The following RAI14 variants were observed in gnomAD, a reference collection of about 807,000 sequenced individuals.
The protein encoded by RAI14 is retinoic acid induced 14, also known as ankycorbin.
Under a neutral mutation model 115.4 loss-of-function variants are expected in RAI14, and 45 were observed. The ratio of observed to expected loss-of-function variants is 0.39; its 90% CI spans 0.31 to 0.50. The LOEUF (loss-of-function observed/expected upper bound fraction) is 0.50, where lower values mean the gene tolerates loss of function less well. Among genes scored for constraint, RAI14 ranks in the 20% least tolerant of loss-of-function variants. The pLI, the probability that RAI14 is intolerant of heterozygous loss-of-function variation, is 0.85. For synonymous variants in RAI14, 371 were observed against 415.4 expected, an observed-to-expected ratio of 0.89 and a Z score of 1.30; for missense variants, 939 against 1,131.2, an observed-to-expected ratio of 0.83 and a Z score of 2.44.
intron 3 of RAI14, among the ~76,000 whole-genome samples, chr5:34,761,781 A>T (rs968999391): frequency 2.0e-5 from 3 of 152,092 alleles, no homozygotes; most frequent in African/African-American, 7.2e-5. Flanking sequence ...TTTAGAACCC[A>T]TTATATTCGA....
intron 1 of RAI14, among the ~76,000 whole-genome samples, chr5:34,666,725 C>T (rs994614115): frequency 5.3e-5 from 8 of 152,190 alleles, no homozygotes; most frequent in African/African-American, 1.9e-4. Flanking sequence ...GACAGAAGCT[C>T]TTCAGATGGG....
At chr5:34,776,260 G>A (rs942768141) in intron 3 of RAI14, among the ~76,000 whole-genome samples, 1 of 152,148 alleles carries the variant, frequency 6.6e-6, no homozygotes, top group Non-Finnish European at 1.5e-5. Flanking sequence ...ACCACAGGAT[G>A]GGAAGGGTAG....
chr5:34,689,772 T>C (rs1738338719), intron 2 of RAI14, among the ~76,000 whole-genome samples: 1 of 152,102 alleles, frequency 6.6e-6, no homozygotes, highest in Non-Finnish European at 1.5e-5. Flanking sequence ...CTTGGGAGGC[T>C]GAGGCAGGAG....
At chr5:34,726,618 T>C (rs951878554) in intron 2 of RAI14, among the ~76,000 whole-genome samples, 2 of 152,160 alleles carry the variant, frequency 1.3e-5, no homozygotes, top group Non-Finnish European at 2.9e-5. Flanking sequence ...ATTGTAATAA[T>C]CCCCATGTGC....
intron 14 of RAI14, among the ~76,000 whole-genome samples, chr5:34,822,532 C>T (rs1371324677): frequency 6.6e-6 from 1 of 151,652 alleles, no homozygotes; most frequent in Non-Finnish European, 1.5e-5. Context: ...TAGTCCCACT[C>T]ATGTCCCAGA....
chr5:34,794,989 A>G (rs1753339965), intron 3 of RAI14, among the ~76,000 whole-genome samples: 1 of 152,202 alleles, frequency 6.6e-6, no homozygotes, highest in Admixed American at 6.5e-5. Flanking sequence ...CTGACTCAGG[A>G]GAAGAACTAG....
intron 2 of RAI14, among the ~76,000 whole-genome samples, chr5:34,748,769 C>T (rs963083781): frequency 6.6e-6 from 1 of 151,162 alleles, no homozygotes; most frequent in African/African-American, 2.4e-5. Flanking sequence ...CAAGATCAGC[C>T]TGGGCAACCT....
intron 1 of RAI14, among the ~76,000 whole-genome samples, chr5:34,662,028 G>GGGCTCAGAAGT (rs1742729805): frequency 6.6e-6 from 1 of 151,936 alleles, no homozygotes; most frequent in South Asian, 2.1e-4. Flanking sequence ...GGCTCAGAAG[G>GGGCTCAGAAGT]TCCTCCTGCT....
intron 3 of RAI14, among the ~76,000 whole-genome samples, chr5:34,776,844 A>G (rs753849970): frequency 2.3e-4 from 34 of 148,398 alleles, no homozygotes; most frequent in Admixed American, 3.4e-4. Flanking sequence ...CCATAAATAT[A>G]TATACCTACT....
At chr5:34,780,126 G>T (rs976813583) in intron 3 of RAI14, among the ~76,000 whole-genome samples, 2 of 152,158 alleles carry the variant, frequency 1.3e-5, no homozygotes, top group Non-Finnish European at 2.9e-5. Flanking sequence ...ATGGGGAAAG[G>T]ATTCCCTATT....
chr5:34,771,711 C>G (rs1750179463), intron 3 of RAI14, among the ~76,000 whole-genome samples: 1 of 152,120 alleles, frequency 6.6e-6, no homozygotes. Context: ...AATGAAACCT[C>G]TCTTGCAGGC....
intron 15 of RAI14, 28 bp from the exon 16 acceptor site, chr5:34,826,301 CT>C: frequency 1.2e-6 from 2 of 1,602,714 alleles, no homozygotes; most frequent in Non-Finnish European, 1.7e-6. Context: ...ATGTTACTGT[CT>C]GCTAATACCA....
chr5:34,781,656 G>C (rs1751662749), intron 3 of RAI14, among the ~76,000 whole-genome samples: 1 of 152,224 alleles, frequency 6.6e-6, no homozygotes, highest in Non-Finnish European at 1.5e-5. Context: ...ATGTTAAATG[G>C]TGCAGCAGCT....
intron 2 of RAI14, among the ~76,000 whole-genome samples, chr5:34,727,473 G>A (rs1041659001): frequency 1.3e-5 from 2 of 152,198 alleles, no homozygotes; most frequent in African/African-American, 4.8e-5. Context: ...TCAATGGGGA[G>A]GATGTCTCCA....
At chr5:34,817,848 A>G (rs1301722778) in intron 12 of RAI14, among the ~76,000 whole-genome samples, 1 of 152,244 alleles carries the variant, frequency 6.6e-6, no homozygotes, top group East Asian at 1.9e-4. Context: ...TGAAGCATGA[A>G]GAAGCTTTTA....
At chr5:34,803,689 A>T (rs1303742727) in intron 4 of RAI14, 23 bp from the exon 5 acceptor site, 1 of 1,570,470 alleles carries the variant, frequency 6.4e-7, no homozygotes, top group African/African-American at 1.4e-5. Context: ...AAAAAAAATT[A>T]TTATTTGAAA....
chr5:34,803,929 T>C (rs1234365461), intron 5 of RAI14, among the ~76,000 whole-genome samples, 153 bp downstream of exon 5: 2 of 152,174 alleles, frequency 1.3e-5, no homozygotes, highest in Non-Finnish European at 2.9e-5. Flanking sequence ...ATTGAAATGA[T>C]AGCCAAGGAG....
chr5:34,668,455 G>C (rs1743383842), intron 1 of RAI14, among the ~76,000 whole-genome samples: 1 of 151,660 alleles, frequency 6.6e-6, no homozygotes, highest in Admixed American at 6.6e-5. Context: ...AACATGTTAG[G>C]AGGCCATAGC....
intron 3 of RAI14, among the ~76,000 whole-genome samples, chr5:34,769,403 T>C (rs1423101167): frequency 6.6e-6 from 1 of 152,204 alleles, no homozygotes; most frequent in Non-Finnish European, 1.5e-5. Flanking sequence ...AGTTATAAGA[T>C]AGTGCTGCCT....
Sources: allele counts gnomAD v4.1 joint callset (sites outside exome capture counted in the v4.1 genomes callset), GRCh38; gene constraint gnomAD v4.1.1; transcripts MANE v1.5; gene names NCBI Gene and HGNC (gene_info 2026-07-23, HGNC 2026-07-21).